The following CNTNAP4 variants were observed in gnomAD, a reference collection of about 807,000 sequenced individuals.
The protein encoded by CNTNAP4 is contactin-associated protein-like 4.
In CNTNAP4, 98 loss-of-function variants were observed where a neutral mutation model predicts 148.4. The observed-to-expected ratio is 0.66, with a 90% CI of 0.56 to 0.78. The LOEUF (loss-of-function observed/expected upper bound fraction) is 0.78. Among genes scored for constraint, CNTNAP4 ranks in the 30% least tolerant of loss-of-function variants. The pLI is 0.00. For missense variants in CNTNAP4, 1,935 were observed against 1,565.6 expected (o/e 1.24, Z -3.98); for synonymous variants, 730 against 565.1 (o/e 1.29, Z -4.14).
At chr16:76,415,160 A>G (rs960848660) in intron 3 of CNTNAP4, among the ~76,000 whole-genome samples, 1 of 151,244 alleles carries the variant, frequency 6.6e-6, no homozygotes, top group Non-Finnish European at 1.5e-5. Context: ...TTTATGAAGT[A>G]TGTTTTCTAA....
chr16:76,333,027 T>G (rs1963678030), intron 2 of CNTNAP4, among the ~76,000 whole-genome samples: 1 of 152,200 alleles, frequency 6.6e-6, no homozygotes, highest in Non-Finnish European at 1.5e-5. Context: ...TGTATTCACT[T>G]TACACTCATT....
intron 23 of CNTNAP4, chr16:76,557,676 T>C (rs1380906575): frequency 6.6e-6 from 1 of 152,194 alleles, no homozygotes; most frequent in East Asian, 1.9e-4. Context: ...CTTGCGTTAA[T>C]TTGTGCTAAG....
At chr16:76,289,993 C>A (rs1007421033) in intron 1 of CNTNAP4, among the ~76,000 whole-genome samples, 1 of 152,096 alleles carries the variant, frequency 6.6e-6, no homozygotes, top group Non-Finnish European at 1.5e-5. Context: ...ATTTTTATTG[C>A]CAGAAGTTTA....
intron 2 of CNTNAP4, among the ~76,000 whole-genome samples, chr16:76,323,480 T>C (rs1326826195): frequency 6.6e-6 from 1 of 152,188 alleles, no homozygotes; most frequent in Non-Finnish European, 1.5e-5. Flanking sequence ...GAAATAAAAA[T>C]AAGTGAAGGG....
At chr16:76,522,955 G>A (rs2083552805) in intron 17 of CNTNAP4, among the ~76,000 whole-genome samples, 1 of 151,514 alleles carries the variant, frequency 6.6e-6, no homozygotes, top group Non-Finnish European at 1.5e-5. Context: ...AGTAGAAATG[G>A]GGTTTTGCCA....
chr16:76,553,857 A>G lies in CNTNAP4; in HGVS notation c.3683A>G (p.Asp1228Gly). 6.2e-7 allele frequency: 1 copy of G among 1,612,206 alleles called. No homozygotes were observed. Among genetic ancestry groups the G allele is most frequent in the Non-Finnish European group, 8.5e-7 (1 of 1,178,458 alleles). Residue 1228 changes from aspartate to glycine, a missense_variant, in exon 23 of 24, where the codon GAC (aspartate) becomes GGC (glycine). Asp to Gly is a moderately conservative substitution (Grantham distance 94, BLOSUM62 -1). Coordinates refer to ENST00000611870, the MANE Select transcript of CNTNAP4 (RefSeq NM_033401.5). Reference protein sequence around the residue: ...SFADHSGTIDDREPLANAIKS... With the variant: ...SFADHSGTIDGREPLANAIKS... ...GCAGATCATTCTGGAACAATAGATG[A>G]CAGAGAGCCCCTTGCTAATGCAATC...
At chr16:76,557,819 A>G (rs2085257154) in intron 23 of CNTNAP4, 1 of 152,208 alleles carries the variant, frequency 6.6e-6, no homozygotes, top group Non-Finnish European at 1.5e-5. Context: ...GTGCCCTCTC[A>G]AAGTGTCCCA....
chr16:76,359,573 C>G (rs2013148694), intron 3 of CNTNAP4, among the ~76,000 whole-genome samples: 1 of 152,008 alleles, frequency 6.6e-6, no homozygotes, highest in South Asian at 2.1e-4. Context: ...CTATACAGAT[C>G]ATTTAATAGA....
At chr16:76,362,444 A>G (rs1884772856) in intron 3 of CNTNAP4, among the ~76,000 whole-genome samples, 1 of 152,232 alleles carries the variant, frequency 6.6e-6, no homozygotes, top group African/African-American at 2.4e-5. Flanking sequence ...TAGAACCACA[A>G]ACATGTTTTT....
At chr16:76,383,450 TG>T (rs767888877) in intron 3 of CNTNAP4, among the ~76,000 whole-genome samples, 1 of 142,604 alleles carries the variant, frequency 7.0e-6, no homozygotes, top group East Asian at 2.1e-4. Context: ...ATGAGCAAGG[TG>T]GGAAACATTA....
At chr16:76,522,720 T>C (rs866337716) in intron 17 of CNTNAP4, among the ~76,000 whole-genome samples, 7,558 of 58,716 alleles carry the variant, frequency 0.13, 1,337 homozygotes, top group Admixed American at 0.17. Context: ...TCTTTTCTTT[T>C]CTTTTCTTTT....
chr16:76,351,976 C>T (rs983986480), intron 2 of CNTNAP4, among the ~76,000 whole-genome samples: 7 of 152,112 alleles, frequency 4.6e-5, no homozygotes, highest in Admixed American at 1.3e-4. Flanking sequence ...TTCTCAATTC[C>T]AGCTTTAGAC....
chr16:76,301,970 AG>A (rs1960014939), intron 1 of CNTNAP4, among the ~76,000 whole-genome samples: 1 of 152,088 alleles, frequency 6.6e-6, no homozygotes, highest in African/African-American at 2.4e-5. Context: ...GACATCAAAA[AG>A]CCACCTCTCG....
intron 3 of CNTNAP4, among the ~76,000 whole-genome samples, chr16:76,407,549 A>G (rs936694171): frequency 3.9e-5 from 6 of 152,066 alleles, no homozygotes; most frequent in South Asian, 2.1e-4. Context: ...TCAAGACTTC[A>G]GTGGAGGAAG....
At chr16:76,539,062 T>A (rs74025039) in intron 19 of CNTNAP4, among the ~76,000 whole-genome samples, 5,672 of 143,096 alleles carry the variant, frequency 0.04, 323 homozygotes, top group African/African-American at 0.13. Context: ...GTTCGATAAG[T>A]GTATTTATTC....
At chr16:76,335,718 G>A (rs1963962972) in intron 2 of CNTNAP4, among the ~76,000 whole-genome samples, 1 of 152,152 alleles carries the variant, frequency 6.6e-6, no homozygotes. Flanking sequence ...TTCTGTTGCT[G>A]CCATGTGGAG....
chr16:76,487,511 T>C (rs1246003534), intron 12 of CNTNAP4, among the ~76,000 whole-genome samples: 3 of 152,238 alleles, frequency 2.0e-5, no homozygotes, highest in African/African-American at 7.2e-5. Context: ...CACTCAATCA[T>C]GTCTGAAAGA....
At chr16:76,291,309 C>A (rs1243480489) in intron 1 of CNTNAP4, among the ~76,000 whole-genome samples, 1 of 152,152 alleles carries the variant, frequency 6.6e-6, no homozygotes, top group African/African-American at 2.4e-5. Flanking sequence ...AATCCTGGTT[C>A]AGTGCATTGC....
chr16:76,456,366 T>G (rs1218319136), intron 8 of CNTNAP4, among the ~76,000 whole-genome samples: 2 of 152,262 alleles, frequency 1.3e-5, no homozygotes, highest in Non-Finnish European at 2.9e-5. Flanking sequence ...AATATCTTTG[T>G]AAACCTTATC....
Sources: allele counts gnomAD v4.1 joint callset (sites outside exome capture counted in the v4.1 genomes callset), GRCh38; gene constraint gnomAD v4.1.1; transcripts MANE v1.5; gene names NCBI Gene and HGNC (gene_info 2026-07-23, HGNC 2026-07-21).